PCNX1: variants seen among roughly 807,000 people sequenced by gnomAD.
The protein encoded by PCNX1 is pecanex-like protein 1.
Under a neutral mutation model 242.2 loss-of-function variants are expected in PCNX1, and 78 were observed. The observed-to-expected ratio is 0.32, with a 90% CI of 0.27 to 0.39. The LOEUF (loss-of-function observed/expected upper bound fraction) is 0.39. PCNX1 is among the 10% of genes least tolerant of loss of function. The probability of loss-of-function intolerance (pLI) is 1.00; values close to 1 mark genes in which losing one functional copy is unlikely to be tolerated. For missense variants in PCNX1, 2,581 were observed against 2,856.5 expected, an observed-to-expected ratio of 0.90 and a Z score of 2.20; for synonymous variants, 1,024 against 1,032.9, an observed-to-expected ratio of 0.99 and a Z score of 0.17.
chr14:71,077,458 G>A (rs190174211), intron 28 of PCNX1, among the ~76,000 whole-genome samples: 3 of 152,158 alleles, frequency 2.0e-5, no homozygotes, highest in East Asian at 1.9e-4. Flanking sequence ...CCATCTTCAC[G>A]TTTAGCACTT....
rs1156353947 is a variant in PCNX1 at position 71,114,883 on chromosome 14, T to C, written c.*4948T>C. ...CAGATGACTCTTGGGTTTAGTGTACTTGTGATTGAACAAGATTTTTTATCT... is the reference window on the plus strand; with the variant it reads ...CAGATGACTCTTGGGTTTAGTGTACCTGTGATTGAACAAGATTTTTTATCT... On this transcript the variant is annotated 3_prime_UTR_variant, in exon 36 of 36. Transcript: ENST00000304743. 1 of 139,746 alleles carries C rather than the reference T, an allele frequency of 7.2e-6. No homozygotes were observed. The highest frequency in any genetic ancestry group is 2.6e-5 in the African/African-American group (1 of 38,046). 8.7% of individuals were successfully genotyped at this position (139,746 alleles called of 1,614,324 possible). A position where few individuals can be genotyped will look rare whatever the true frequency, so the allele number is the denominator to read the frequency against.
chr14:71,008,655 C>CA (rs777494885), intron 8 of PCNX1, among the ~76,000 whole-genome samples: 5,472 of 31,774 alleles, frequency 0.17, 781 homozygotes, highest in Non-Finnish European at 0.24. Flanking sequence ...GACTCTGTCT[C>CA]AAAAAAAAAA....
rs148775464 is a variant in PCNX1, at chr14:70,912,371, G to A, written c.153+4368G>A. Reference sequence around the variant, plus strand: ...CCCTTTCTTATTCGGTAGATCTGGAGTGTGGCCTATTGATTTGTATTTTAT... The same window carrying A: ...CCCTTTCTTATTCGGTAGATCTGGAATGTGGCCTATTGATTTGTATTTTAT... On this transcript the variant is annotated intron_variant, in intron 1 of 35. Transcript: ENST00000304743. Among the ~76,000 whole-genome samples the A allele has an allele frequency of 7.2e-5, 11 of 152,282 alleles. No homozygotes were observed. In the East Asian group the frequency reaches 1.9e-3, roughly 27 times the overall value.
In PCNX1 at chr14:71,111,733, A is replaced by C. The variant is rs1369455960; in HGVS notation, c.*1798A>C. The C allele has an allele frequency of 1.3e-5, 2 of 152,114 alleles. No individual in the cohort carries two copies. Among genetic ancestry groups the C allele is most frequent in the Non-Finnish European group, 2.9e-5 (2 of 67,970 alleles). 9.4% of individuals were successfully genotyped at this position (152,114 alleles called of 1,614,324 possible). Reference sequence around the variant, plus strand: ...TTTATTTTCCCTTTTTCTAATTTTAAACTTTTGTGGTCATTCAGAACCTAA... The same window carrying C: ...TTTATTTTCCCTTTTTCTAATTTTACACTTTTGTGGTCATTCAGAACCTAA... On this transcript the variant is annotated 3_prime_UTR_variant, in exon 36 of 36. Transcript: ENST00000304743.
intron 2 of PCNX1, among the ~76,000 whole-genome samples, chr14:70,951,682 ATAT>A (rs1169116693): frequency 2.0e-5 from 3 of 151,888 alleles, no homozygotes; most frequent in Non-Finnish European, 4.4e-5. Context: ...ACCTTTTTTG[ATAT>A]TATTTTGATT....
At chr14:71,077,627 A>G (rs940929714) in intron 28 of PCNX1, among the ~76,000 whole-genome samples, 3 of 152,106 alleles carry the variant, frequency 2.0e-5, no homozygotes, top group Non-Finnish European at 4.4e-5. Flanking sequence ...GCAGAGTAGT[A>G]TATCTTAAAA....
intron 6 of PCNX1, among the ~76,000 whole-genome samples, chr14:70,982,790 C>T (rs1000832264): frequency 1.3e-5 from 2 of 152,140 alleles, no homozygotes; most frequent in African/African-American, 4.8e-5. Context: ...TTTCTCTCAG[C>T]AGTGAAGTTC....
At chr14:71,052,942 T>A (rs2061079836) in intron 24 of PCNX1, among the ~76,000 whole-genome samples, 1 of 152,196 alleles carries the variant, frequency 6.6e-6, no homozygotes, top group Non-Finnish European at 1.5e-5. Flanking sequence ...AGGCTTTTAA[T>A]ATAAACACAT....
intron 32 of PCNX1, 100 bp downstream of exon 32, chr14:71,103,769 T>C (rs2062527660): frequency 9.4e-7 from 1 of 1,058,618 alleles, no homozygotes; most frequent in African/African-American, 1.6e-5. Context: ...AAATTACAGG[T>C]GCCATGGTAC....
chr14:71,031,845 C>T (rs2060394607), intron 16 of PCNX1: 4 of 1,479,400 alleles, frequency 2.7e-6, no homozygotes, highest in Admixed American at 1.7e-5. Context: ...CGTCTGGCTT[C>T]AGGTAGACAC....
intron 5 of PCNX1, among the ~76,000 whole-genome samples, chr14:70,970,747 A>T (rs925372491): frequency 6.6e-6 from 1 of 152,130 alleles, no homozygotes. Flanking sequence ...CAGCTACTCA[A>T]CTCTGCCATT....
intron 1 of PCNX1, among the ~76,000 whole-genome samples, chr14:70,942,338 T>C (rs2057286749): frequency 6.6e-6 from 1 of 152,224 alleles, no homozygotes; most frequent in Non-Finnish European, 1.5e-5. Flanking sequence ...ATAAAGACCT[T>C]ATCAAATTGC....
intron 8 of PCNX1, among the ~76,000 whole-genome samples, chr14:70,999,848 C>G (rs2059451714): frequency 6.6e-6 from 1 of 152,014 alleles, no homozygotes; most frequent in South Asian, 2.1e-4. Context: ...TAGAGTTAGT[C>G]TTGGTGTTTT....
In PCNX1 at chr14:71,109,803, C is replaced by T. The variant is rs2062718997; in HGVS notation, c.6894C>T (p.His2298=). Reference sequence around the variant, plus strand: ...TTATTCTGAATCATTAGGTGATTCACCGATGGGTGCCTTGCAGCAGAGATC... The same window carrying T: ...TTATTCTGAATCATTAGGTGATTCATCGATGGGTGCCTTGCAGCAGAGATC... ...PQEGMEGHVI[H]RWVPCSRDPG... The change falls in exon 36 of 36, where the codon CAC becomes CAT. Residue 2298 remains histidine (H), a synonymous_variant. Transcript: ENST00000304743. 1.2e-6 allele frequency: 2 copies of T among 1,613,628 alleles called. No homozygotes were observed. The highest frequency in any genetic ancestry group is 1.7e-6 in the Non-Finnish European group (2 of 1,179,632).
Position 71,079,721 on chromosome 14 carries a change from C to G in PCNX1, c.5337+3302C>G, listed in dbSNP as rs28762775. On this transcript the variant is annotated intron_variant, in intron 28 of 35. Transcript: ENST00000304743. ...TCATATCCTTGACCTACTTTTGGAT[C>G]GGGTTTTTTTTTCTTGTAAATTTAA... Among the ~76,000 whole-genome samples the G allele has an allele frequency of 5.3e-3, 799 of 151,570 alleles. 4 individuals carry two copies. The highest frequency in any genetic ancestry group is 0.019 in the African/African-American group (771 of 41,420).
Position 70,978,523 on chromosome 14 carries a change from A to G in PCNX1, c.2186A>G (p.Glu729Gly). Residue 729 changes from glutamate (E) to glycine (G), a missense_variant, in exon 6 of 36, where the codon GAG (glutamate) becomes GGG (glycine). Glu to Gly is a moderately conservative substitution (Grantham distance 98). Coordinates refer to ENST00000304743, the MANE Select transcript of PCNX1 (RefSeq NM_014982.3). ...SKSDLEAKEGEVLDELSLLGR... is the reference protein window; with the variant it reads ...SKSDLEAKEGGVLDELSLLGR... ...TCAGATCTTGAGGCCAAAGAGGGAG[A>G]GGTGCTAGATGAGCTATCTTTATTA... The G allele has an allele frequency of 6.2e-7, 1 of 1,614,154 alleles. No homozygotes were observed. Among genetic ancestry groups the G allele is most frequent in the South Asian group, 1.1e-5 (1 of 91,084 alleles).
intron 2 of PCNX1, among the ~76,000 whole-genome samples, chr14:70,948,596 TATGTGTATATATAG>T (rs891173816): frequency 4.0e-5 from 6 of 151,452 alleles, no homozygotes; most frequent in Admixed American, 6.6e-5. Flanking sequence ...CATATATAGA[TATGTGTATATATAG>T]ATGTGTATAT....
intron 28 of PCNX1, among the ~76,000 whole-genome samples, chr14:71,076,630 A>T (rs1409692378): frequency 6.6e-6 from 1 of 152,172 alleles, no homozygotes; most frequent in Non-Finnish European, 1.5e-5. Context: ...TTTCATTTGC[A>T]GTGTCCCAGT....
intron 8 of PCNX1, among the ~76,000 whole-genome samples, chr14:70,996,886 T>C (rs1277001567): frequency 4.6e-5 from 7 of 152,146 alleles, no homozygotes; most frequent in Admixed American, 2.6e-4. Context: ...CATTGACTCT[T>C]TTTTCTATTT....
Sources: allele counts gnomAD v4.1 joint callset (sites outside exome capture counted in the v4.1 genomes callset), GRCh38; gene constraint gnomAD v4.1.1; transcripts MANE v1.5; gene names NCBI Gene and HGNC (gene_info 2026-07-23, HGNC 2026-07-21).